The following FAM184B variants were observed in gnomAD, a reference collection of about 807,000 sequenced individuals.
FAM184B encodes protein FAM184B.
Under a neutral mutation model 135.9 loss-of-function variants are expected in FAM184B, and 111 were observed. The observed-to-expected ratio is 0.82, with a 90% CI of 0.70 to 0.96. The LOEUF is 0.96. FAM184B is among the 40% of genes least tolerant of loss of function. The pLI is 0.00. For synonymous variants in FAM184B, 552 were observed against 524.8 expected (o/e 1.05, Z -0.71); for missense variants, 1,375 against 1,323.9 (o/e 1.04, Z -0.60).
chr4:17,722,084 A>G (rs1717544189), intron 1 of FAM184B, among the ~76,000 whole-genome samples: 1 of 152,046 alleles, frequency 6.6e-6, no homozygotes, highest in Non-Finnish European at 1.5e-5. Flanking sequence ...AGGGCCAGTG[A>G]CTCACTGGGT....
chr4:17,739,555 G>GTTTTTGTTTTTTTTTTTTTT (rs1553841421), intron 1 of FAM184B, among the ~76,000 whole-genome samples: 61 of 62,510 alleles, frequency 9.8e-4, no homozygotes, highest in African/African-American at 3.0e-3. Context: ...CATACCAACT[G>GTTTTTGTTTTTTTTTTTTTT]TTTTTTTTTT....
intron 1 of FAM184B, among the ~76,000 whole-genome samples, chr4:17,754,666 C>G (rs536717945): frequency 1.4e-4 from 22 of 151,872 alleles, no homozygotes; most frequent in African/African-American, 5.3e-4. Flanking sequence ...GAACTGCACA[C>G]ATGCACACAC....
chr4:17,684,885 C>T (rs893596812), intron 7 of FAM184B, among the ~76,000 whole-genome samples: 3 of 152,108 alleles, frequency 2.0e-5, no homozygotes, highest in Admixed American at 1.3e-4. Context: ...GAGATATGTC[C>T]TTTGCAGGGA....
chr4:17,691,259 T>A (rs1334779874), intron 6 of FAM184B, among the ~76,000 whole-genome samples: 1 of 152,192 alleles, frequency 6.6e-6, no homozygotes, highest in Non-Finnish European at 1.5e-5. Context: ...AGTTGTGTCA[T>A]TTGTATATAG....
intron 5 of FAM184B, among the ~76,000 whole-genome samples, chr4:17,695,682 C>T (rs1045563729): frequency 1.5e-5 from 2 of 131,618 alleles, no homozygotes; most frequent in East Asian, 2.0e-4. Flanking sequence ...GTCAGGATGA[C>T]ACTAGGAGAG....
chr4:17,715,877 G>T (rs1717392816), intron 1 of FAM184B, among the ~76,000 whole-genome samples: 1 of 152,168 alleles, frequency 6.6e-6, no homozygotes. Flanking sequence ...GAGCCGTTAA[G>T]TCATTTCTGT....
At chr4:17,650,162 A>T (rs1023102370) in intron 11 of FAM184B, among the ~76,000 whole-genome samples, 3 of 149,032 alleles carry the variant, frequency 2.0e-5, no homozygotes, top group Non-Finnish European at 3.0e-5. Flanking sequence ...CTACCCATCC[A>T]CCCACACCCC....
At chr4:17,638,519 T>C (rs182136378) in intron 14 of FAM184B, among the ~76,000 whole-genome samples, 2 of 152,170 alleles carry the variant, frequency 1.3e-5, no homozygotes, top group South Asian at 2.1e-4. Context: ...TTATTTCTTA[T>C]CCGAATTCTC....
At chr4:17,678,820 T>G (rs535433951) in intron 7 of FAM184B, among the ~76,000 whole-genome samples, 1 of 152,196 alleles carries the variant, frequency 6.6e-6, no homozygotes, top group Non-Finnish European at 1.5e-5. Flanking sequence ...GGTACTGGTA[T>G]AAAAACAGAC....
intron 1 of FAM184B, among the ~76,000 whole-genome samples, chr4:17,743,328 G>T (rs1261262808): frequency 6.6e-6 from 1 of 152,214 alleles, no homozygotes. Flanking sequence ...AGCCACCGAA[G>T]AATTTAGATT....
At chr4:17,652,691 G>T in intron 11 of FAM184B, 139 bp downstream of exon 11, 3 of 1,008,130 alleles carry the variant, frequency 3.0e-6, no homozygotes, top group Non-Finnish European at 4.2e-6. Flanking sequence ...TGGAGCCCTG[G>T]CCTGTGAGCC....
At chr4:17,702,031 C>T (rs1045834918) in intron 5 of FAM184B, among the ~76,000 whole-genome samples, 2 of 152,134 alleles carry the variant, frequency 1.3e-5, no homozygotes, top group African/African-American at 4.8e-5. Flanking sequence ...CCAGGCAATG[C>T]GCAGGGCCCA....
chr4:17,718,290 T>C (rs943218542), intron 1 of FAM184B, among the ~76,000 whole-genome samples: 2 of 152,172 alleles, frequency 1.3e-5, no homozygotes, highest in Non-Finnish European at 2.9e-5. Context: ...GTGCTGGGAT[T>C]CAAATCCAAA....
At chr4:17,699,199 ATT>A in intron 5 of FAM184B, among the ~76,000 whole-genome samples, 1 of 24,030 alleles carries the variant, frequency 4.2e-5, no homozygotes, top group Non-Finnish European at 9.2e-5. Context: ...AGCAAGAGAA[ATT>A]ATCCAAACTG....
rs1295737047 is a variant in FAM184B at position 17,631,666 on chromosome 4, T to G, written c.*866A>C. ...AAAGCCCTTTTAGAGGTGGGTGTTA[T>G]CCCATCTATAATCTGCTGCTTGTCT... On this transcript the variant is annotated 3_prime_UTR_variant, in exon 18 of 18. Coordinates refer to ENST00000265018, the MANE Select transcript of FAM184B (RefSeq NM_015688.2). The G allele has an allele frequency of 6.6e-6, 1 of 152,208 alleles. No individual in the cohort carries two copies. The highest frequency in any genetic ancestry group is 1.5e-5 in the Non-Finnish European group (1 of 68,042). The allele number at this position is 152,208 out of a possible 1,614,324, so 9.4% of individuals were successfully genotyped here.
At chr4:17,765,559 GT>G (rs1447391680) in intron 1 of FAM184B, among the ~76,000 whole-genome samples, 17 of 152,248 alleles carry the variant, frequency 1.1e-4, no homozygotes, top group African/African-American at 4.1e-4. Flanking sequence ...TTATAATCCA[GT>G]TTTTGTATAA....
At chr4:17,723,332 A>G (rs949915670) in intron 1 of FAM184B, among the ~76,000 whole-genome samples, 3 of 152,236 alleles carry the variant, frequency 2.0e-5, no homozygotes, top group Non-Finnish European at 4.4e-5. Flanking sequence ...GCTTCAAGTT[A>G]TATATTATTG....
In FAM184B at chr4:17,781,051, A is replaced by T; in HGVS notation, c.141+108T>A. The T allele has an allele frequency of 7.4e-7, 1 of 1,359,482 alleles. No homozygotes were observed. Among genetic ancestry groups the T allele is most frequent in the Non-Finnish European group, 9.7e-7 (1 of 1,033,960 alleles). The allele number at this position is 1,359,482 out of a possible 1,614,324, so 84.2% of individuals were successfully genotyped here. A position where few individuals can be genotyped will look rare whatever the true frequency, so the allele number is the denominator to read the frequency against. Reference sequence around the variant, plus strand: ...CCTTCCCGGTTGGCCTCCGAGACAAAGTTTCTGTCTGGATTTGGCCCGGGC... The same window carrying T: ...CCTTCCCGGTTGGCCTCCGAGACAATGTTTCTGTCTGGATTTGGCCCGGGC... On this transcript the variant is annotated intron_variant, in intron 1 of 17. Transcript: ENST00000265018. The surrounding 1 kb of genome is among the most constrained non-coding windows in gnomAD (Gnocchi z 6.5).
chr4:17,696,735 C>T lies in FAM184B; in HGVS notation c.1378-3323G>A, dbSNP rs542167180. Among the ~76,000 whole-genome samples, 319 of 152,158 alleles carry T rather than the reference C, an allele frequency of 2.1e-3. 2 individuals carry two copies. Among genetic ancestry groups the T allele is most frequent in the Non-Finnish European group, 3.6e-3 (248 of 68,024 alleles). On this transcript the variant is annotated intron_variant, in intron 5 of 17. Transcript: ENST00000265018. ...GGCCGAGGCAGGAGGATCACTTTAG[C>T]CCAGGAGTTCGAGGCTGCAGTGAGC... is the stretch of plus-strand genomic sequence containing the variant.
Sources: allele counts gnomAD v4.1 joint callset (sites outside exome capture counted in the v4.1 genomes callset), GRCh38; gene constraint gnomAD v4.1.1; non-coding constraint Gnocchi (gnomAD v3.1); transcripts MANE v1.5; gene names NCBI Gene and HGNC (gene_info 2026-07-23, HGNC 2026-07-21).